KCNQ5: variants seen among roughly 807,000 people sequenced by gnomAD.
The protein encoded by KCNQ5 is potassium voltage-gated channel subfamily KQT member 5.
A neutral mutation model predicts 98.2 loss-of-function variants in KCNQ5; 30 were observed. The observed-to-expected ratio is 0.31, with a 90% CI of 0.23 to 0.41. The LOEUF is 0.41. Ranked by LOEUF, KCNQ5 falls within the 10% of genes least tolerant of loss-of-function variation. The pLI, the probability that KCNQ5 is intolerant of heterozygous loss-of-function variation, is 1.00. For synonymous variants in KCNQ5, 458 were observed against 449.4 expected (o/e 1.02, Z -0.24); for missense variants, 835 against 1,182.5 (o/e 0.71, Z 4.31).
At chr6:72,670,353 A>C (rs921370329) in intron 1 of KCNQ5, among the ~76,000 whole-genome samples, 1 of 152,062 alleles carries the variant, frequency 6.6e-6, no homozygotes, top group Non-Finnish European at 1.5e-5. Flanking sequence ...TAATGTTCAT[A>C]TTTCTACCTA....
At chr6:72,682,136 T>C (rs1216299711) in intron 1 of KCNQ5, among the ~76,000 whole-genome samples, 4 of 152,248 alleles carry the variant, frequency 2.6e-5, no homozygotes, top group Non-Finnish European at 5.9e-5. Flanking sequence ...CAGTCCCATC[T>C]GTAACATTAC....
chr6:73,076,039 G>A (rs975641823), intron 3 of KCNQ5, among the ~76,000 whole-genome samples: 1 of 152,098 alleles, frequency 6.6e-6, no homozygotes, highest in Non-Finnish European at 1.5e-5. Context: ...ATGGAAAGAG[G>A]GAAGAAAGGA....
intron 3 of KCNQ5, among the ~76,000 whole-genome samples, chr6:73,071,627 T>C (rs1226817222): frequency 6.6e-6 from 1 of 152,164 alleles, no homozygotes; most frequent in Non-Finnish European, 1.5e-5. Context: ...GGGGCCAACA[T>C]GTGCTGAGAT....
intron 1 of KCNQ5, among the ~76,000 whole-genome samples, chr6:72,774,608 AACAC>A (rs150113759): frequency 6.7e-6 from 1 of 149,674 alleles, no homozygotes; most frequent in African/African-American, 2.4e-5. Context: ...CCAGTATATA[AACAC>A]ACACACACAC....
chr6:72,966,854 G>C (rs1374476261), intron 1 of KCNQ5, among the ~76,000 whole-genome samples: 1 of 152,196 alleles, frequency 6.6e-6, no homozygotes, highest in African/African-American at 2.4e-5. Flanking sequence ...ATGGTTGCCA[G>C]GGACTACCAA....
intron 2 of KCNQ5, among the ~76,000 whole-genome samples, chr6:73,030,408 C>G (rs1319499687): frequency 2.0e-5 from 3 of 152,152 alleles, no homozygotes; most frequent in Non-Finnish European, 4.4e-5. Flanking sequence ...AGTGAGCATA[C>G]TAGTGTGCAT....
At chr6:72,700,776 T>G (rs990784144) in intron 1 of KCNQ5, among the ~76,000 whole-genome samples, 1 of 152,080 alleles carries the variant, frequency 6.6e-6, no homozygotes, top group East Asian at 1.9e-4. Flanking sequence ...ACCGGCACAT[T>G]CCCAGCACAG....
intron 1 of KCNQ5, among the ~76,000 whole-genome samples, chr6:72,706,696 A>C (rs1769103918): frequency 6.6e-6 from 1 of 152,174 alleles, no homozygotes; most frequent in South Asian, 2.1e-4. Context: ...CCTTGAAAGC[A>C]TCAAGGTGCC....
intron 1 of KCNQ5, among the ~76,000 whole-genome samples, chr6:72,893,966 A>G (rs1474678166): frequency 6.6e-6 from 1 of 152,214 alleles, no homozygotes; most frequent in Admixed American, 6.5e-5. Flanking sequence ...AATTAGGTAT[A>G]TAATTGGGTG....
chr6:73,027,713 A>G (rs1287397039), intron 2 of KCNQ5, among the ~76,000 whole-genome samples: 1 of 152,242 alleles, frequency 6.6e-6, no homozygotes, highest in African/African-American at 2.4e-5. Flanking sequence ...GAATTTGCCT[A>G]GTATATCCTC....
chr6:72,960,369 A>G (rs1767281202), intron 1 of KCNQ5, among the ~76,000 whole-genome samples: 2 of 146,620 alleles, frequency 1.4e-5, no homozygotes, highest in South Asian at 4.4e-4. Flanking sequence ...TGTTTCCCTC[A>G]ATATTCTATT....
chr6:72,799,179 AG>A (rs1774501766), intron 1 of KCNQ5, among the ~76,000 whole-genome samples: 1 of 152,132 alleles, frequency 6.6e-6, no homozygotes, highest in African/African-American at 2.4e-5. Context: ...TGAAATCTGT[AG>A]GCAGGCCAGC....
chr6:72,722,150 T>G (rs144134932), intron 1 of KCNQ5, among the ~76,000 whole-genome samples: 2 of 152,226 alleles, frequency 1.3e-5, no homozygotes, highest in East Asian at 3.9e-4. Flanking sequence ...TTCAGAGTCT[T>G]CAGAAGGAAC....
At chr6:73,112,164 A>G (rs540971743) in intron 7 of KCNQ5, among the ~76,000 whole-genome samples, 41 of 152,136 alleles carry the variant, frequency 2.7e-4, no homozygotes, top group Non-Finnish European at 4.7e-4. Context: ...ACATTTAGTT[A>G]TGGACAAAAT....
chr6:73,122,875 A>G (rs1334144590), intron 8 of KCNQ5, among the ~76,000 whole-genome samples: 1 of 152,234 alleles, frequency 6.6e-6, no homozygotes, highest in Non-Finnish European at 1.5e-5. Flanking sequence ...TAATCAAGTG[A>G]CAATAATTTT....
Position 73,066,088 on chromosome 6 carries a change from G to A in KCNQ5, c.617-11234G>A, listed in dbSNP as rs547782265. On this transcript the variant is annotated intron_variant, in intron 3 of 13. Transcript: ENST00000370398. ...TTGAACCCGAGAGGCGGAGGTTGCA[G>A]TGAGCTGAGATCATGCCATTGCACT... 3.3e-5 allele frequency among the ~76,000 whole-genome samples: 5 copies of A among 152,354 alleles called. No individual in the cohort carries two copies. The South Asian group carries it at 1.0e-3, about 32-fold the overall frequency.
At chr6:72,910,259 A>G (rs1581999818) in intron 1 of KCNQ5, among the ~76,000 whole-genome samples, 1 of 152,130 alleles carries the variant, frequency 6.6e-6, no homozygotes, top group East Asian at 1.9e-4. Context: ...CCAAATTGCT[A>G]AGTTTAGAGC....
intron 1 of KCNQ5, among the ~76,000 whole-genome samples, chr6:72,782,488 A>G (rs997183629): frequency 6.6e-6 from 1 of 152,176 alleles, no homozygotes; most frequent in Non-Finnish European, 1.5e-5. Context: ...CAAAGCATGC[A>G]CCATTTTCCT....
At chr6:73,000,211 C>T (rs1769498982) in intron 1 of KCNQ5, among the ~76,000 whole-genome samples, 1 of 152,184 alleles carries the variant, frequency 6.6e-6, no homozygotes, top group Admixed American at 6.5e-5. Flanking sequence ...CACTGCCAAT[C>T]AGCCCAACAT....
Sources: allele counts gnomAD v4.1 joint callset (sites outside exome capture counted in the v4.1 genomes callset), GRCh38; gene constraint gnomAD v4.1.1; transcripts MANE v1.5; gene names NCBI Gene and HGNC (gene_info 2026-07-23, HGNC 2026-07-21).